FSTL5: variants seen among roughly 807,000 people sequenced by gnomAD.
The protein encoded by FSTL5 is follistatin-related protein 5.
A neutral mutation model predicts 89.1 loss-of-function variants in FSTL5; 62 were observed. The observed-to-expected ratio is 0.70, with a 90% CI of 0.57 to 0.86. The LOEUF (loss-of-function observed/expected upper bound fraction) is 0.86, where lower values mean the gene tolerates loss of function less well. Among genes scored for constraint, FSTL5 ranks in the 40% least tolerant of loss-of-function variants. The probability of loss-of-function intolerance (pLI) is 0.00; values close to 1 mark genes in which losing one functional copy is unlikely to be tolerated. For synonymous variants in FSTL5, 383 were observed against 346.2 expected (o/e 1.11, Z -1.18); for missense variants, 1,057 against 1,001.6 (o/e 1.06, Z -0.75).
chr4:161,776,884 C>A (rs1233135211), intron 4 of FSTL5, among the ~76,000 whole-genome samples: 1 of 151,804 alleles, frequency 6.6e-6, no homozygotes, highest in Non-Finnish European at 1.5e-5. Context: ...CTTTCCAAAC[C>A]CAGTTTTTAA....
intron 10 of FSTL5, among the ~76,000 whole-genome samples, chr4:161,515,689 C>T (rs1730799074): frequency 6.6e-6 from 1 of 151,548 alleles, no homozygotes; most frequent in Non-Finnish European, 1.5e-5. Flanking sequence ...GAATTTCTGC[C>T]TTTTAAAAGT....
intron 6 of FSTL5, among the ~76,000 whole-genome samples, chr4:161,688,246 C>A (rs1000447138): frequency 6.6e-6 from 1 of 152,082 alleles, no homozygotes; most frequent in African/African-American, 2.4e-5. Context: ...CCACACCCAG[C>A]TAATATATTT....
intron 4 of FSTL5, among the ~76,000 whole-genome samples, chr4:161,841,763 A>T (rs1731218618): frequency 6.6e-6 from 1 of 152,210 alleles, no homozygotes; most frequent in Non-Finnish European, 1.5e-5. Context: ...CCCATGTAGT[A>T]GTTGCATGGT....
chr4:161,444,260 G>C (rs1026837633), intron 15 of FSTL5, among the ~76,000 whole-genome samples: 3 of 151,880 alleles, frequency 2.0e-5, no homozygotes, highest in African/African-American at 4.8e-5. Context: ...TTAATGAACA[G>C]ACTTTATGAA....
At chr4:161,780,874 C>T (rs1384924914) in intron 4 of FSTL5, among the ~76,000 whole-genome samples, 1 of 152,128 alleles carries the variant, frequency 6.6e-6, no homozygotes, top group Non-Finnish European at 1.5e-5. Context: ...TTTGAAATGA[C>T]ACTTTTATCC....
intron 15 of FSTL5, among the ~76,000 whole-genome samples, chr4:161,412,645 A>C (rs1731633155): frequency 6.6e-6 from 1 of 152,222 alleles, no homozygotes; most frequent in Admixed American, 6.5e-5. Context: ...AACTTAAAGT[A>C]TAATTTAAAA....
intron 2 of FSTL5, among the ~76,000 whole-genome samples, chr4:162,043,765 C>T (rs555717427): frequency 1.3e-5 from 2 of 152,278 alleles, no homozygotes; most frequent in South Asian, 4.1e-4. Flanking sequence ...CCTTTGTTGT[C>T]ATTTCAACAA....
chr4:162,070,875 C>T (rs541923098), intron 2 of FSTL5, among the ~76,000 whole-genome samples: 1 of 151,766 alleles, frequency 6.6e-6, no homozygotes, highest in Admixed American at 6.6e-5. Flanking sequence ...AATTCAAAAT[C>T]CCTAGACTAA....
chr4:161,724,630 G>C (rs1208740839), intron 6 of FSTL5, among the ~76,000 whole-genome samples: 4 of 152,110 alleles, frequency 2.6e-5, no homozygotes, highest in African/African-American at 9.7e-5. Context: ...ATGTCTGAAT[G>C]CAATAGAAAG....
chr4:161,779,106 A>G (rs754023750), intron 4 of FSTL5, among the ~76,000 whole-genome samples: 1 of 152,204 alleles, frequency 6.6e-6, no homozygotes, highest in Non-Finnish European at 1.5e-5. Flanking sequence ...ACCAGTATTT[A>G]AAACTGGGGA....
chr4:161,912,499 C>T (rs530884826), intron 4 of FSTL5, among the ~76,000 whole-genome samples: 1 of 152,128 alleles, frequency 6.6e-6, no homozygotes, highest in Non-Finnish European at 1.5e-5. Context: ...TTTGCTTCCT[C>T]CTCATTTTTC....
chr4:162,076,373 A>G (rs1729845737), intron 2 of FSTL5, among the ~76,000 whole-genome samples: 1 of 151,932 alleles, frequency 6.6e-6, no homozygotes, highest in South Asian at 2.1e-4. Flanking sequence ...TGTGGAAGAT[A>G]AAGATACTAT....
intron 4 of FSTL5, among the ~76,000 whole-genome samples, chr4:161,839,915 T>A (rs771029010): frequency 7.2e-5 from 11 of 152,198 alleles, no homozygotes; most frequent in Non-Finnish European, 1.3e-4. Flanking sequence ...TGTGAATGAG[T>A]TTGCTTCAGG....
intron 8 of FSTL5, among the ~76,000 whole-genome samples, chr4:161,584,105 C>G (rs1733525958): frequency 6.6e-6 from 1 of 152,292 alleles, no homozygotes; most frequent in Admixed American, 6.5e-5. Flanking sequence ...ATACTCCAAG[C>G]TTTCCCCAAC....
Position 161,562,467 on chromosome 4 carries a change from T to C in FSTL5, c.1016-19774A>G, listed in dbSNP as rs186617857. Among the ~76,000 whole-genome samples the C allele has an allele frequency of 1.3e-3, 196 of 152,138 alleles. 1 individual carries two copies. The highest frequency in any genetic ancestry group is 4.7e-3 in the Admixed American group (71 of 15,240). On this transcript the variant is annotated intron_variant, in intron 8 of 15. Coordinates refer to ENST00000306100, the MANE Select transcript of FSTL5 (RefSeq NM_020116.5). ...TGAAATTTATCAACATAGTATGTTT[T>C]TCCATTGATTTAGGTCTTCTATAAT...
intron 2 of FSTL5, among the ~76,000 whole-genome samples, chr4:162,060,088 A>G (rs1013300456): frequency 3.9e-5 from 6 of 152,154 alleles, no homozygotes; most frequent in Non-Finnish European, 7.4e-5. Context: ...GGAATCAAAA[A>G]CACACATCAC....
At chr4:161,744,652 T>G (rs1348935977) in intron 6 of FSTL5, among the ~76,000 whole-genome samples, 1 of 152,102 alleles carries the variant, frequency 6.6e-6, no homozygotes, top group Non-Finnish European at 1.5e-5. Context: ...TGGCTCTTAA[T>G]GACCAAATTG....
intron 6 of FSTL5, among the ~76,000 whole-genome samples, chr4:161,710,155 A>T (rs1428381554): frequency 6.6e-6 from 1 of 152,026 alleles, no homozygotes; most frequent in Non-Finnish European, 1.5e-5. Flanking sequence ...TTTTGAAGAG[A>T]CAGTGCTCCA....
At chr4:162,001,770 C>G (rs530615247) in intron 3 of FSTL5, among the ~76,000 whole-genome samples, 10 of 152,132 alleles carry the variant, frequency 6.6e-5, no homozygotes, top group African/African-American at 2.2e-4. Flanking sequence ...AGTGCTCTCA[C>G]CTTATTAGGG....
Sources: gnomAD v4.1 joint callset for allele counts (sites outside exome capture counted in the v4.1 genomes callset) on GRCh38, gnomAD v4.1.1 for gene constraint, MANE v1.5 for transcripts, NCBI Gene and HGNC (gene_info 2026-07-23, HGNC 2026-07-21) for gene names.